DAB1: variants seen among roughly 807,000 people sequenced by gnomAD.
The protein encoded by DAB1 is DAB adaptor protein 1, also known as disabled homolog 1.
DAB1 carries 15 observed loss-of-function variants against 64.6 expected under a neutral mutation model. The ratio of observed to expected loss-of-function variants is 0.23; its 90% CI spans 0.16 to 0.36. The LOEUF is 0.36. Among genes scored for constraint, DAB1 ranks in the 10% least tolerant of loss-of-function variants. The pLI, the probability that DAB1 is intolerant of heterozygous loss-of-function variation, is 1.00. For synonymous variants in DAB1, 235 were observed against 251.9 expected (o/e 0.93, Z 0.64); for missense variants, 596 against 706.7 (o/e 0.84, Z 1.78).
intron 7 of DAB1, among the ~76,000 whole-genome samples, chr1:57,504,855 C>CA (rs1644326951): frequency 6.6e-6 from 1 of 152,166 alleles, no homozygotes; most frequent in African/African-American, 2.4e-5. Context: ...CCAATTTAAT[C>CA]ATGATAAAAA....
At chr1:57,441,163 G>A (rs1267507468) in intron 7 of DAB1, among the ~76,000 whole-genome samples, 1 of 152,144 alleles carries the variant, frequency 6.6e-6, no homozygotes. Context: ...TAGAAATGCA[G>A]TCTCTTGATG....
chr1:58,465,153 C>T (rs1645281803), intron 3 of DAB1, among the ~76,000 whole-genome samples: 1 of 152,222 alleles, frequency 6.6e-6, no homozygotes. Flanking sequence ...TGCAGTCCAT[C>T]AGAGACTCGC....
At chr1:58,357,481 AACTTCCAAAAG>A (rs1310282774) in intron 3 of DAB1, among the ~76,000 whole-genome samples, 1 of 152,182 alleles carries the variant, frequency 6.6e-6, no homozygotes, top group Admixed American at 6.5e-5. Context: ...ATGACCTGTT[AACTTCCAAAAG>A]AGAAAGTCCA....
chr1:57,128,612 T>C (rs906910465), intron 4 of DAB1, among the ~76,000 whole-genome samples: 1 of 152,128 alleles, frequency 6.6e-6, no homozygotes, highest in African/African-American at 2.4e-5. Context: ...ATATGACCCT[T>C]GGTTTTCAGA....
chr1:57,969,266 A>G (rs537583500), intron 5 of DAB1, among the ~76,000 whole-genome samples: 14 of 152,286 alleles, frequency 9.2e-5, no homozygotes, highest in Non-Finnish European at 1.8e-4. Context: ...TTACCAATAT[A>G]TCACTTTACA....
At chr1:58,301,307 C>T (rs566197650) in intron 4 of DAB1, among the ~76,000 whole-genome samples, 101 of 152,142 alleles carry the variant, frequency 6.6e-4, no homozygotes, top group African/African-American at 2.0e-3. Flanking sequence ...CCACACCGAC[C>T]GTAAAGCAGG....
intron 5 of DAB1, among the ~76,000 whole-genome samples, chr1:58,033,329 T>A (rs1468928805): frequency 6.6e-6 from 1 of 152,058 alleles, no homozygotes; most frequent in East Asian, 2.0e-4. Context: ...TGTAATCAGT[T>A]CAGTGTCCTT....
chr1:57,341,627 T>C (rs779349078), intron 1 of DAB1, among the ~76,000 whole-genome samples: 15 of 152,208 alleles, frequency 9.9e-5, no homozygotes, highest in Non-Finnish European at 1.6e-4. Context: ...AAAACTCTTT[T>C]GATTTTTTTT....
intron 7 of DAB1, among the ~76,000 whole-genome samples, chr1:57,440,407 C>T (rs1685896456): frequency 6.6e-6 from 1 of 152,176 alleles, no homozygotes; most frequent in African/African-American, 2.4e-5. Context: ...CCATCAAAGG[C>T]ATATAAGGAG....
chr1:58,133,791 CAGA>C (rs1653782480), intron 5 of DAB1, among the ~76,000 whole-genome samples: 2 of 152,188 alleles, frequency 1.3e-5, no homozygotes, highest in Admixed American at 6.5e-5. Flanking sequence ...CCAGGTATTG[CAGA>C]AGGACAGCCA....
At position 58,262,610 on chromosome 1, in the gene DAB1, A is replaced by G. The variant is rs149246000; in HGVS notation, n.309+80742T>C. Reference sequence around the variant, plus strand: ...AAAAAACAAAAAAAACAAAAACCTCAGTTTCCTCATCTCAGTTTCCTCAAC... The same window carrying G: ...AAAAAACAAAAAAAACAAAAACCTCGGTTTCCTCATCTCAGTTTCCTCAAC... On this transcript the variant is annotated intron_variant and non_coding_transcript_variant, in intron 4 of 20. Transcript: ENST00000485760. 4.0e-3 allele frequency among the ~76,000 whole-genome samples: 613 copies of G among 152,186 alleles called. 4 individuals carry two copies. Among genetic ancestry groups the G allele is most frequent in the African/African-American group, 0.014 (574 of 41,520 alleles).
intron 2 of DAB1, among the ~76,000 whole-genome samples, chr1:57,204,136 C>A (rs1427305828): frequency 6.6e-6 from 1 of 152,086 alleles, no homozygotes; most frequent in East Asian, 1.9e-4. Flanking sequence ...GTGGTCTGCC[C>A]ACCTTAGCTT....
intron 6 of DAB1, among the ~76,000 whole-genome samples, chr1:57,766,464 C>T (rs537976829): frequency 1.3e-5 from 2 of 152,222 alleles, no homozygotes; most frequent in East Asian, 1.9e-4. Context: ...CACTGGTCCC[C>T]CTCTGTCCCT....
At chr1:58,175,340 G>T (rs1656409132) in intron 4 of DAB1, among the ~76,000 whole-genome samples, 3 of 152,118 alleles carry the variant, frequency 2.0e-5, no homozygotes, top group Admixed American at 2.0e-4. Context: ...AGAAACTCTG[G>T]ACACATCTGA....
intron 6 of DAB1, among the ~76,000 whole-genome samples, chr1:57,781,662 A>C (rs1302461557): frequency 6.6e-6 from 1 of 151,830 alleles, no homozygotes; most frequent in Non-Finnish European, 1.5e-5. Context: ...AATAGTTCCC[A>C]ATATGGAATA....
intron 5 of DAB1, among the ~76,000 whole-genome samples, chr1:58,000,663 T>A (rs1160632375): frequency 6.9e-6 from 1 of 145,548 alleles, no homozygotes; most frequent in Non-Finnish European, 1.5e-5. Flanking sequence ...CTCCACCTCA[T>A]GGGTTCAAGT....
chr1:57,494,690 A>T (rs755593284), intron 7 of DAB1, among the ~76,000 whole-genome samples: 2 of 152,174 alleles, frequency 1.3e-5, no homozygotes, highest in African/African-American at 2.4e-5. Flanking sequence ...GACACAAGGG[A>T]GTTCCCAGAG....
intron 2 of DAB1, among the ~76,000 whole-genome samples, chr1:58,508,852 A>G (rs916001689): frequency 6.6e-6 from 1 of 152,124 alleles, no homozygotes; most frequent in African/African-American, 2.4e-5. Context: ...GGGCTCGGGA[A>G]AGAGGTAGAT....
Position 58,088,845 on chromosome 1 carries a change from T to C in DAB1, n.387+61666A>G, listed in dbSNP as rs567530322. ...GCTACAACACCATGTGATAACACCA[T>C]GAGAAAAGTCAGGGAAAGAAGCCGC... is the stretch of plus-strand genomic sequence containing the variant. On this transcript the variant is annotated intron_variant and non_coding_transcript_variant, in intron 5 of 20. Transcript: ENST00000485760. Among the ~76,000 whole-genome samples, 8 of 152,026 alleles carry C rather than the reference T, an allele frequency of 5.3e-5. 1 individual carries two copies. The highest frequency in any genetic ancestry group is 1.9e-4 in the African/African-American group (8 of 41,468).
Sources: gnomAD v4.1 joint callset for allele counts (sites outside exome capture counted in the v4.1 genomes callset) on GRCh38, gnomAD v4.1.1 for gene constraint, MANE v1.5 for transcripts, NCBI Gene and HGNC (gene_info 2026-07-23, HGNC 2026-07-21) for gene names.